TRAPPC8: variants seen among roughly 807,000 people sequenced by gnomAD.
TRAPPC8 encodes the protein general sporulation gene 1 homolog.
TRAPPC8 carries 54 observed loss-of-function variants against 174.3 expected under a neutral mutation model. That is an observed-to-expected ratio of 0.31 (90% CI 0.25 to 0.39). TRAPPC8 has a LOEUF of 0.39. Among genes scored for constraint, TRAPPC8 ranks in the 10% least tolerant of loss-of-function variants. The pLI, the probability that TRAPPC8 is intolerant of heterozygous loss-of-function variation, is 1.00. For missense variants in TRAPPC8, 1,531 were observed against 1,699.1 expected (o/e 0.90, Z 1.74); for synonymous variants, 630 against 579.9 (o/e 1.09, Z -1.24).
chr18:31,899,831 A>C (rs1201767873), intron 10 of TRAPPC8, among the ~76,000 whole-genome samples: 1 of 152,236 alleles, frequency 6.6e-6, no homozygotes, highest in East Asian at 1.9e-4. Context: ...CTGTAATCCC[A>C]CCTACTTGGG....
At chr18:31,901,651 C>G (rs565427944) in intron 9 of TRAPPC8, among the ~76,000 whole-genome samples, 1 of 152,186 alleles carries the variant, frequency 6.6e-6, no homozygotes, top group Non-Finnish European at 1.5e-5. Context: ...CAGACAATTA[C>G]GAAAGGCTCA....
At chr18:31,883,283 T>C (rs1555670042) in intron 12 of TRAPPC8, 1 of 149,352 alleles carries the variant, frequency 6.7e-6, no homozygotes, top group Non-Finnish European at 1.5e-5. Context: ...AGCAGCAGTA[T>C]GTCTGACAGA....
intron 21 of TRAPPC8, among the ~76,000 whole-genome samples, chr18:31,854,710 T>C (rs1246889264): frequency 6.6e-6 from 1 of 152,132 alleles, no homozygotes; most frequent in Non-Finnish European, 1.5e-5. Flanking sequence ...GGCTCACGCC[T>C]GTAATCCCAG....
At chr18:31,846,663 A>C (rs2033422048) in intron 26 of TRAPPC8, 53 bp downstream of exon 26, 1 of 1,312,482 alleles carries the variant, frequency 7.6e-7, no homozygotes, top group Non-Finnish European at 1.1e-6. Context: ...AAACAACAAC[A>C]AAAAAAAACC....
intron 2 of TRAPPC8, among the ~76,000 whole-genome samples, chr18:31,928,771 C>T (rs76829997): frequency 0.069 from 10,566 of 152,226 alleles, 422 homozygotes; most frequent in Middle Eastern, 0.11. Flanking sequence ...TTCATCTCTG[C>T]ATCTCAATAC....
At chr18:31,897,354 A>G (rs544626730) in intron 11 of TRAPPC8, among the ~76,000 whole-genome samples, 25 of 152,332 alleles carry the variant, frequency 1.6e-4, no homozygotes, top group African/African-American at 6.0e-4. Flanking sequence ...ATGCTAGTTG[A>G]AAGTAAAACT....
At position 31,839,415 on chromosome 18, in the gene TRAPPC8, T is replaced by C; in HGVS notation, c.3880A>G (p.Asn1294Asp). The change falls in exon 27 of 29, where the codon AAC (asparagine) becomes GAC (aspartate). Residue 1294 changes from asparagine to aspartate, a missense_variant. By Grantham distance (23) the Asn-to-Asp change is conservative. Coordinates refer to ENST00000283351, the MANE Select transcript of TRAPPC8 (RefSeq NM_014939.5). ...MELLKFFRPE[N>D]ITVSSRPSVE... The stretch of plus-strand genomic sequence containing the variant: ...GATGGCCTTGAGGAAACTGTAATGT[T>C]TTCTGGCCTGAAAAATTTCAATAGT... The C allele has an allele frequency of 1.2e-6, 2 of 1,606,308 alleles. No homozygotes were observed. The highest frequency in any genetic ancestry group is 8.5e-7 in the Non-Finnish European group (1 of 1,177,386).
Position 31,901,032 on chromosome 18 carries a change from T to C in TRAPPC8, c.1390-7A>G, listed in dbSNP as rs1195317752. 25 of 1,578,896 alleles carry C rather than the reference T, an allele frequency of 1.6e-5. No individual in the cohort carries two copies. The highest frequency in any genetic ancestry group is 2.3e-5 in the East Asian group (1 of 44,152). On this transcript the variant is annotated splice_region_variant and splice_polypyrimidine_tract_variant and intron_variant, in intron 9 of 28. Coordinates refer to ENST00000283351, the MANE Select transcript of TRAPPC8 (RefSeq NM_014939.5). ...CAGACACTGCTGCCATTTCCTAAAA[T>C]AAAAGACATAGTTTACATATTTCAA... is the stretch of plus-strand genomic sequence containing the variant.
chr18:31,874,650 C>T lies in TRAPPC8; in HGVS notation c.1783G>A (p.Gly595Ser). The T allele has an allele frequency of 6.2e-7, 1 of 1,614,066 alleles. No homozygotes were observed. The highest frequency in any genetic ancestry group is 8.5e-7 in the Non-Finnish European group (1 of 1,179,978). The stretch of plus-strand genomic sequence containing the variant: ...ATGTGATCCTCTGCAAGAGACCAGC[C>T]TTTTCCTTTGTAAACTTGCATGGCT... ...CQAMQVYKGKGWSLAEDHINF... is the reference protein window; with the variant it reads ...CQAMQVYKGKSWSLAEDHINF... The change falls in exon 13 of 29, where the codon GGC (glycine) becomes AGC (serine). Residue 595 changes from glycine (G) to serine (S), a missense_variant. Coordinates refer to ENST00000283351, the MANE Select transcript of TRAPPC8 (RefSeq NM_014939.5).
chr18:31,860,453 T>A (rs994791888), intron 19 of TRAPPC8, among the ~76,000 whole-genome samples: 1 of 152,214 alleles, frequency 6.6e-6, no homozygotes, highest in Admixed American at 6.5e-5. Flanking sequence ...CATAGTAGTA[T>A]GCAAATGACT....
chr18:31,933,145 T>TA (rs2037926147), intron 1 of TRAPPC8, among the ~76,000 whole-genome samples: 1 of 149,746 alleles, frequency 6.7e-6, no homozygotes, highest in Non-Finnish European at 1.5e-5. Context: ...ACTAAAAACA[T>TA]AAAAAATTAG....
chr18:31,935,489 G>A (rs1453146441), intron 1 of TRAPPC8, among the ~76,000 whole-genome samples: 40 of 132,330 alleles, frequency 3.0e-4, no homozygotes, highest in African/African-American at 9.6e-4. Context: ...TGGAGGTTGC[G>A]GTGAGCCAAG....
chr18:31,942,464 A>G, intron 1 of TRAPPC8, 144 bp downstream of exon 1: 4 of 1,105,308 alleles, frequency 3.6e-6, no homozygotes, highest in East Asian at 3.1e-5. Flanking sequence ...CCGCCCCCGG[A>G]GCACCGCGGG....
intron 7 of TRAPPC8, 120 bp from the exon 8 acceptor site, chr18:31,908,538 A>G: frequency 5.6e-6 from 5 of 900,756 alleles, no homozygotes; most frequent in Non-Finnish European, 7.9e-6. Flanking sequence ...ACTGATTTAA[A>G]GAAAACTGTC....
intron 5 of TRAPPC8, among the ~76,000 whole-genome samples, chr18:31,909,979 CAAGCTACTATCCTAA>C (rs1481399237): frequency 1.3e-5 from 2 of 152,158 alleles, no homozygotes; most frequent in African/African-American, 4.8e-5. Flanking sequence ...CTTTCACACT[CAAGCTACTATCCTAA>C]TTCTTCTTAA....
At chr18:31,942,540 GC>G in intron 1 of TRAPPC8, 67 bp downstream of exon 1, 2 of 1,451,136 alleles carry the variant, frequency 1.4e-6, no homozygotes, top group South Asian at 2.8e-5. Context: ...TTCCCTGCCC[GC>G]CCGCAACTTC....
intron 20 of TRAPPC8, among the ~76,000 whole-genome samples, chr18:31,856,206 A>T (rs1420410268): frequency 6.6e-6 from 1 of 151,986 alleles, no homozygotes; most frequent in African/African-American, 2.4e-5. Flanking sequence ...CTCCCAGATC[A>T]AGCGATTCTC....
chr18:31,938,288 T>C lies in TRAPPC8; in HGVS notation c.157+4320A>G, dbSNP rs150881655. Among the ~76,000 whole-genome samples, 400 of 152,046 alleles carry C rather than the reference T, an allele frequency of 2.6e-3. 2 individuals carry two copies. The highest frequency in any genetic ancestry group is 8.8e-3 in the African/African-American group (364 of 41,538). On this transcript the variant is annotated intron_variant, in intron 1 of 28. Transcript: ENST00000283351. Reference sequence around the variant, plus strand: ...GGATCTCAAAATTTGTGTCAAACAATGACTACATTAACTCTCAAACATACA... The same window carrying C: ...GGATCTCAAAATTTGTGTCAAACAACGACTACATTAACTCTCAAACATACA...
chr18:31,830,818 A>C lies in TRAPPC8; in HGVS notation c.4245T>G (p.Val1415=). 1 of 1,614,204 alleles carries C rather than the reference A, an allele frequency of 6.2e-7. No individual in the cohort carries two copies. The highest frequency in any genetic ancestry group is 8.5e-7 in the Non-Finnish European group (1 of 1,180,038). ...PRVFAKLSDQ[V]TVFETSQQNS... Reference sequence around the variant, plus strand: ...TCTGCTGACTTGTTTCAAACACTGTAACTTGGTCCGATAACTTGGCAAATA... The same window carrying C: ...TCTGCTGACTTGTTTCAAACACTGTCACTTGGTCCGATAACTTGGCAAATA... The change falls in exon 29 of 29, where the codon GTT becomes GTG. Residue 1415 remains valine, a synonymous_variant. Transcript: ENST00000283351.
Sources: allele counts gnomAD v4.1 joint callset (sites outside exome capture counted in the v4.1 genomes callset), GRCh38; gene constraint gnomAD v4.1.1; transcripts MANE v1.5; gene names NCBI Gene and HGNC (gene_info 2026-07-23, HGNC 2026-07-21).